The following PTPRT variants were observed in gnomAD, a reference collection of about 807,000 sequenced individuals.
PTPRT encodes the protein receptor-type tyrosine-protein phosphatase T.
Under a neutral mutation model 176.8 loss-of-function variants are expected in PTPRT, and 56 were observed. That is an observed-to-expected ratio of 0.32 (90% confidence interval 0.26 to 0.40). The LOEUF (loss-of-function observed/expected upper bound fraction) is 0.40, where lower values mean the gene tolerates loss of function less well. Ranked by LOEUF, PTPRT falls within the 10% of genes least tolerant of loss-of-function variation. The probability of loss-of-function intolerance (pLI) is 1.00; values close to 1 mark genes in which losing one functional copy is unlikely to be tolerated. For missense variants in PTPRT, 1,540 were observed against 1,908.2 expected, an observed-to-expected ratio of 0.81 and a Z score of 3.60; for synonymous variants, 783 against 739.0, an observed-to-expected ratio of 1.06 and a Z score of -0.96.
chr20:42,812,494 G>A (rs1039232341), intron 2 of PTPRT, among the ~76,000 whole-genome samples: 1 of 152,084 alleles, frequency 6.6e-6, no homozygotes, highest in African/African-American at 2.4e-5. Flanking sequence ...GTCCAAAAAT[G>A]AACAGTAACA....
chr20:42,061,327 A>G, the PTPRT span, among the ~76,000 whole-genome samples: 1 of 152,282 alleles, frequency 6.6e-6, no homozygotes, highest in African/African-American at 2.4e-5. Context: ...GTTGGCCAGA[A>G]TTAGTCACAT....
intron 1 of PTPRT, among the ~76,000 whole-genome samples, chr20:43,026,838 C>T (rs888274669): frequency 1.3e-5 from 2 of 152,180 alleles, no homozygotes; most frequent in Admixed American, 6.5e-5. Context: ...GTCTTTCTGT[C>T]TCTGGGCTAT....
At chr20:42,837,148 A>G (rs2078194978) in intron 2 of PTPRT, among the ~76,000 whole-genome samples, 1 of 152,204 alleles carries the variant, frequency 6.6e-6, no homozygotes, top group African/African-American at 2.4e-5. Context: ...CCACAGTCAT[A>G]CAGGAGCTGG....
chr20:42,839,209 T>A (rs932072144), intron 2 of PTPRT, among the ~76,000 whole-genome samples: 1 of 151,902 alleles, frequency 6.6e-6, no homozygotes. Flanking sequence ...TTTCCCACCT[T>A]GGGCAGGATT....
intron 18 of PTPRT, 28 bp downstream of exon 18, chr20:42,141,887 G>A (rs945146746): frequency 1.3e-6 from 2 of 1,582,752 alleles, no homozygotes; most frequent in African/African-American, 1.3e-5. Context: ...AACACCTGAA[G>A]CTTAGGAGCT....
chr20:42,963,191 T>A (rs1290354472), intron 1 of PTPRT, among the ~76,000 whole-genome samples: 1 of 150,978 alleles, frequency 6.6e-6, no homozygotes, highest in African/African-American at 2.4e-5. Context: ...AGAGCAAGAC[T>A]CCGTCTCAAA....
intron 6 of PTPRT, 50 bp downstream of exon 6, chr20:42,756,412 A>G: frequency 6.9e-7 from 1 of 1,459,774 alleles, no homozygotes; most frequent in Non-Finnish European, 9.1e-7. Flanking sequence ...TTTAAGGCCC[A>G]TTAATGCCAA....
chr20:42,243,312 G>C (rs1600720549), intron 14 of PTPRT, among the ~76,000 whole-genome samples: 1 of 152,144 alleles, frequency 6.6e-6, no homozygotes, highest in African/African-American at 2.4e-5. Flanking sequence ...ATGGATAATG[G>C]AGCTCTAACA....
chr20:42,954,882 G>A (rs1981522180), intron 1 of PTPRT, among the ~76,000 whole-genome samples: 1 of 151,758 alleles, frequency 6.6e-6, no homozygotes, highest in African/African-American at 2.4e-5. Context: ...GAGGAGAGAA[G>A]GGAAAGGAGG....
chr20:42,459,784 A>G (rs1314418407), intron 8 of PTPRT, among the ~76,000 whole-genome samples: 11 of 151,778 alleles, frequency 7.2e-5, no homozygotes, highest in East Asian at 1.9e-4. Context: ...TTGACCTCCC[A>G]GCCTCAAGCA....
At chr20:42,575,575 T>G (rs1265497541) in intron 7 of PTPRT, among the ~76,000 whole-genome samples, 2 of 152,166 alleles carry the variant, frequency 1.3e-5, no homozygotes, top group Non-Finnish European at 2.9e-5. Flanking sequence ...GACAAATATT[T>G]TCTGTAAAGG....
Position 42,188,236 on chromosome 20 carries a change from C to A in PTPRT, c.2491+11004G>T, listed in dbSNP as rs143451232. Among the ~76,000 whole-genome samples, 11 of 152,250 alleles carry A rather than the reference C, an allele frequency of 7.2e-5. No homozygotes were observed. In the East Asian group the frequency reaches 2.1e-3, roughly 29 times the overall value. The stretch of plus-strand genomic sequence containing the variant: ...AAAGGAAGAGCTTCAGGGCTAAGGC[C>A]GGGGACACTTCAATGATTAGAGGTT... On this transcript the variant is annotated intron_variant, in intron 16 of 30. Coordinates refer to ENST00000373187, the MANE Select transcript of PTPRT (RefSeq NM_007050.6).
intron 1 of PTPRT, among the ~76,000 whole-genome samples, chr20:43,132,796 A>G (rs1339391632): frequency 1.3e-5 from 2 of 152,220 alleles, no homozygotes; most frequent in African/African-American, 4.8e-5. Context: ...TGTAAGGGGA[A>G]TAGAGAGAAT....
chr20:42,466,375 G>A (rs1052033477), intron 8 of PTPRT, among the ~76,000 whole-genome samples: 1 of 152,086 alleles, frequency 6.6e-6, no homozygotes, highest in Non-Finnish European at 1.5e-5. Context: ...ACCTTTAAAT[G>A]GAAACAAATG....
intron 1 of PTPRT, among the ~76,000 whole-genome samples, chr20:42,944,005 C>A (rs938356675): frequency 6.6e-6 from 1 of 151,862 alleles, no homozygotes; most frequent in Non-Finnish European, 1.5e-5. Flanking sequence ...GGTGACAGAG[C>A]GAGACACTGT....
At chr20:42,454,216 T>C (rs909977635) in intron 8 of PTPRT, among the ~76,000 whole-genome samples, 1 of 152,210 alleles carries the variant, frequency 6.6e-6, no homozygotes, top group Admixed American at 6.5e-5. Flanking sequence ...CTTATAAATA[T>C]ATTCCTATTT....
intron 16 of PTPRT, among the ~76,000 whole-genome samples, chr20:42,184,923 A>G (rs1990711307): frequency 6.6e-6 from 1 of 151,688 alleles, no homozygotes; most frequent in Non-Finnish European, 1.5e-5. Context: ...GGCATGAGTC[A>G]CTGCACCCAG....
At chr20:42,795,643 G>A (rs2077443926) in intron 2 of PTPRT, among the ~76,000 whole-genome samples, 2 of 152,232 alleles carry the variant, frequency 1.3e-5, no homozygotes, top group Non-Finnish European at 2.9e-5. Context: ...CCTACTTGAA[G>A]GGAATGGATG....
At chr20:42,648,432 G>GT (rs1453471689) in intron 7 of PTPRT, among the ~76,000 whole-genome samples, 1 of 152,122 alleles carries the variant, frequency 6.6e-6, no homozygotes, top group African/African-American at 2.4e-5. Context: ...CTCAAGGAAT[G>GT]TGTTGAATCA....
Sources: gnomAD v4.1 joint callset for allele counts (sites outside exome capture counted in the v4.1 genomes callset) on GRCh38, gnomAD v4.1.1 for gene constraint, MANE v1.5 for transcripts, NCBI Gene and HGNC (gene_info 2026-07-23, HGNC 2026-07-21) for gene names.